Variants in CELF2 observed in about 807,000 individuals in gnomAD.
The protein encoded by CELF2 is CUG triplet repeat RNA-binding protein 2.
A neutral mutation model predicts 62.6 loss-of-function variants in CELF2; 8 were observed. That is an observed-to-expected ratio of 0.13 (90% CI 0.07 to 0.23). The LOEUF is 0.23. Ranked by LOEUF, CELF2 falls within the 10% of genes least tolerant of loss-of-function variation. The pLI is 1.00. For synonymous variants in CELF2, 258 were observed against 250.0 expected (o/e 1.03, Z -0.30); for missense variants, 333 against 671.0 (o/e 0.50, Z 5.56).
intron 1 of CELF2, among the ~76,000 whole-genome samples, chr10:11,027,419 G>A (rs192006481): frequency 6.6e-6 from 1 of 152,202 alleles, no homozygotes; most frequent in Admixed American, 6.5e-5. Context: ...GTGTCTTAGA[G>A]TCCCCTTACA....
the CELF2 span, among the ~76,000 whole-genome samples, chr10:10,684,778 G>C: frequency 6.6e-6 from 1 of 152,080 alleles, no homozygotes; most frequent in East Asian, 1.9e-4. Context: ...CAAGAGCTTT[G>C]TCAAATTAGG....
chr10:10,591,871 AGT>A, the CELF2 span, among the ~76,000 whole-genome samples: 1 of 152,342 alleles, frequency 6.6e-6, no homozygotes, highest in Admixed American at 6.5e-5. Flanking sequence ...ATCCTGGCAT[AGT>A]GTGTGTTTGC....
chr10:10,871,398 T>C (rs1306364066), intron 1 of CELF2, among the ~76,000 whole-genome samples: 1 of 152,246 alleles, frequency 6.6e-6, no homozygotes, highest in Non-Finnish European at 1.5e-5. Context: ...CTTTAGAAGA[T>C]TTCTTTTTTA....
intron 3 of CELF2, among the ~76,000 whole-genome samples, chr10:11,241,806 CGTG>C (rs1360518058): frequency 1.3e-5 from 2 of 152,040 alleles, no homozygotes; most frequent in East Asian, 3.9e-4. Flanking sequence ...TAGAAGGTCT[CGTG>C]GTGGGGCATG....
the CELF2 span, among the ~76,000 whole-genome samples, chr10:10,677,987 A>T: frequency 3.1e-3 from 468 of 152,290 alleles, 3 homozygotes; most frequent in African/African-American, 0.011. Context: ...ACTTTATAAC[A>T]TGACCTAGTA....
At position 11,266,367 on chromosome 10, in the gene CELF2, A is replaced by G. The variant is rs1433023146; in HGVS notation, c.539-231A>G. ...CCCCTAGTTTCCATTTAAAAAATAAACTAATAAATAAATAAATCTTTCTGC... is the reference window on the plus strand; with the variant it reads ...CCCCTAGTTTCCATTTAAAAAATAAGCTAATAAATAAATAAATCTTTCTGC... On this transcript the variant is annotated intron_variant, in intron 5 of 12. Coordinates refer to ENST00000633077, the MANE Select transcript of CELF2 (RefSeq NM_001326342.2). Among the ~76,000 whole-genome samples the G allele has an allele frequency of 2.0e-5, 3 of 152,362 alleles. No individual in the cohort carries two copies. In the East Asian group the frequency reaches 5.8e-4, roughly 29 times the overall value.
At chr10:11,179,868 A>G (rs2072690159) in intron 2 of CELF2, among the ~76,000 whole-genome samples, 1 of 152,168 alleles carries the variant, frequency 6.6e-6, no homozygotes, top group Admixed American at 6.5e-5. Flanking sequence ...CATGCTGAAA[A>G]TCAGGTCTTA....
the CELF2 span, among the ~76,000 whole-genome samples, chr10:10,758,509 GC>G: frequency 6.6e-6 from 1 of 152,210 alleles, no homozygotes; most frequent in Admixed American, 6.5e-5. Context: ...GTATGATGCT[GC>G]TAGGCAAAAC....
chr10:10,966,557 T>C (rs898200443), intron 2 of CELF2: 1 of 152,206 alleles, frequency 6.6e-6, no homozygotes, highest in Non-Finnish European at 1.5e-5. Flanking sequence ...TCCTTTTTTA[T>C]GAAGATTTGC....
chr10:10,571,399 T>C, the CELF2 span, among the ~76,000 whole-genome samples: 1 of 152,164 alleles, frequency 6.6e-6, no homozygotes, highest in Non-Finnish European at 1.5e-5. Flanking sequence ...TTGACAGTAA[T>C]AAAATAATAA....
the CELF2 span, among the ~76,000 whole-genome samples, chr10:10,530,128 A>T: frequency 1.8e-4 from 27 of 152,198 alleles, no homozygotes; most frequent in Non-Finnish European, 1.2e-4. Flanking sequence ...ATTCAGGGCT[A>T]GTCTGCAGTG....
At position 10,931,599 on chromosome 10, in the gene CELF2, C is replaced by T. The variant is rs1297546465; in HGVS notation, c.89+11600C>T. 6.6e-6 allele frequency among the ~76,000 whole-genome samples: 1 copy of T among 152,152 alleles called. No individual in the cohort carries two copies. Among genetic ancestry groups the T allele is most frequent in the Non-Finnish European group, 1.5e-5 (1 of 68,042 alleles). Reference sequence around the variant, plus strand: ...TCATTGGGCACCACGGCACCCCTTCCAAAGTAAAGAAAATTTATTTCCAAA... The same window carrying T: ...TCATTGGGCACCACGGCACCCCTTCTAAAGTAAAGAAAATTTATTTCCAAA... On this transcript the variant is annotated intron_variant, in intron 2 of 13. Transcript: ENST00000636488. This position sits in a 1 kb window ranked among gnomAD's most constrained non-coding sequence, Gnocchi z 6.1.
In CELF2 at chr10:11,220,789, C is replaced by A. The variant is rs1164796426; in HGVS notation, c.354+3282C>A. Among the ~76,000 whole-genome samples, 1 of 152,162 alleles carries A rather than the reference C, an allele frequency of 6.6e-6. No homozygotes were observed. The highest frequency in any genetic ancestry group is 1.5e-5 in the Non-Finnish European group (1 of 68,042). ...CTCTAGAAGTGGTTGCTGGATGCTC[C>A]AGCAACAGAAGAAATTTTAGGTACA... On this transcript the variant is annotated intron_variant, in intron 3 of 12. Coordinates refer to ENST00000633077, the MANE Select transcript of CELF2 (RefSeq NM_001326342.2). The surrounding 1 kb of genome is among the most constrained non-coding windows in gnomAD (Gnocchi z 4.4).
intron 1 of CELF2, among the ~76,000 whole-genome samples, chr10:11,141,186 G>A (rs2061301570): frequency 6.6e-6 from 1 of 152,222 alleles, no homozygotes; most frequent in Non-Finnish European, 1.5e-5. Flanking sequence ...ATGTGGAGCT[G>A]AGGTTCCTAG....
intron 2 of CELF2, among the ~76,000 whole-genome samples, chr10:11,202,713 G>C (rs974417909): frequency 6.6e-6 from 1 of 152,134 alleles, no homozygotes; most frequent in South Asian, 2.1e-4. Context: ...TCTTGTTATC[G>C]AATATAATTT....
At chr10:11,202,949 CTCTGTGTGTGTGTG>C (rs2059609888) in intron 2 of CELF2, among the ~76,000 whole-genome samples, 3 of 44,286 alleles carry the variant, frequency 6.8e-5, no homozygotes, top group African/African-American at 2.7e-4. Context: ...CTCTCTCTCT[CTCTGTGTGTGTGTG>C]TGTGTGTGTA....
At chr10:11,216,814 G>T (rs1001912866) in intron 2 of CELF2, among the ~76,000 whole-genome samples, 2 of 152,210 alleles carry the variant, frequency 1.3e-5, no homozygotes, top group African/African-American at 4.8e-5. Context: ...ATCTGTTTGG[G>T]CATGTACCCA....
the CELF2 span, among the ~76,000 whole-genome samples, chr10:10,608,084 C>A: frequency 6.6e-6 from 1 of 152,084 alleles, no homozygotes; most frequent in Non-Finnish European, 1.5e-5. Flanking sequence ...GCTGAAATAG[C>A]GCCATTGTAC....
intron 8 of CELF2, among the ~76,000 whole-genome samples, chr10:11,284,466 T>G (rs2090418274): frequency 2.2e-5 from 3 of 134,794 alleles, no homozygotes; most frequent in Non-Finnish European, 3.1e-5. Flanking sequence ...GAGGGATGAG[T>G]GTGTGGTGGG....
Sources: allele counts gnomAD v4.1 joint callset (sites outside exome capture counted in the v4.1 genomes callset), GRCh38; gene constraint gnomAD v4.1.1; non-coding constraint Gnocchi (gnomAD v3.1); transcripts MANE v1.5; gene names NCBI Gene and HGNC (gene_info 2026-07-23, HGNC 2026-07-21).